WDR75: variants seen among roughly 807,000 people sequenced by gnomAD.
The protein encoded by WDR75 is WD repeat domain 75.
WDR75 carries 52 observed loss-of-function variants against 106.1 expected under a neutral mutation model. The ratio of observed to expected loss-of-function variants is 0.49; its 90% CI spans 0.39 to 0.62. The LOEUF (loss-of-function observed/expected upper bound fraction) is 0.62. WDR75 is among the 20% of genes least tolerant of loss of function. WDR75 has a pLI of 0.00. For missense variants in WDR75, 905 were observed against 970.3 expected, an observed-to-expected ratio of 0.93 and a Z score of 0.89; for synonymous variants, 333 against 335.5, an observed-to-expected ratio of 0.99 and a Z score of 0.08.
At position 189,469,488 on chromosome 2, in the gene WDR75, TTTC is replaced by T. The variant is rs780446213; in HGVS notation, c.1819+55_1819+57del. 1.7e-5 allele frequency: 25 copies of T among 1,480,960 alleles called. No individual in the cohort carries two copies. In the Admixed American group the frequency reaches 3.4e-4, roughly 20 times the overall value. 91.7% of individuals were successfully genotyped at this position (1,480,960 alleles called of 1,614,324 possible). On this transcript the variant is annotated intron_variant, in intron 16 of 20. Transcript: ENST00000314761. ...GTAAGAGAACATCTATGACCTAAGT[TTTC>T]TTCTTAATATAATTTGAGCCAAACT... is the stretch of plus-strand genomic sequence containing the variant.
chr2:189,474,297 C>T lies in WDR75; in HGVS notation c.2161C>T (p.Leu721=), dbSNP rs115615748. 1,701 of 1,613,216 alleles carry T rather than the reference C, an allele frequency of 1.1e-3. 3 individuals carry two copies. Among genetic ancestry groups the T allele is most frequent in the Non-Finnish European group, 1.3e-3 (1,533 of 1,179,634 alleles). Residue 721 remains leucine (L), a synonymous_variant, in exon 19 of 21, where the codon CTA becomes TTA. Transcript: ENST00000314761. The part of the protein sequence containing the change: ...NETLENELVQ[L]PLTENIPAIS... ...AACTTTAGAGAATGAGCTGGTACAA[C>T]TACCCTTAACAGAAAACATACCCGC...
chr2:189,441,886 C>A (rs1346495556), intron 1 of WDR75, among the ~76,000 whole-genome samples: 1 of 152,146 alleles, frequency 6.6e-6, no homozygotes, highest in African/African-American at 2.4e-5. Flanking sequence ...GATGTGTATG[C>A]CACTACCTTT....
intron 1 of WDR75, among the ~76,000 whole-genome samples, chr2:189,443,496 C>T (rs905642880): frequency 3.9e-5 from 6 of 152,010 alleles, no homozygotes; most frequent in African/African-American, 1.5e-4. Flanking sequence ...AAGGGGACGG[C>T]GGTAATCAGT....
chr2:189,474,597 C>A, intron 19 of WDR75, 120 bp from the exon 20 acceptor site: 1 of 950,976 alleles, frequency 1.1e-6, no homozygotes, highest in Non-Finnish European at 1.6e-6. Flanking sequence ...ATAGGGAAAG[C>A]CTTTTCATGT....
chr2:189,449,142 T>C lies in WDR75; in HGVS notation c.216+634T>C, dbSNP rs1048275669. ...GTATTTAAGAATAATGAAATGGTCA[T>C]GTTAATTCTGTTCTTAAGTTTCGGC... On this transcript the variant is annotated intron_variant, in intron 2 of 20. Transcript: ENST00000314761. 2.1e-5 allele frequency: 16 copies of C among 750,542 alleles called. No homozygotes were observed. The South Asian group carries it at 2.2e-4, about 10-fold the overall frequency. The allele number at this position is 750,542 out of a possible 1,614,324, so 46.5% of individuals were successfully genotyped here.
chr2:189,445,510 A>G (rs1031143778), intron 1 of WDR75, among the ~76,000 whole-genome samples: 1 of 152,152 alleles, frequency 6.6e-6, no homozygotes, highest in Non-Finnish European at 1.5e-5. Flanking sequence ...AGTAGTCAAG[A>G]GTTCTGAGAA....
rs897448271 is a variant in WDR75, at chr2:189,462,139, C to CT, written c.779-337dup. Among the ~76,000 whole-genome samples the CT allele has an allele frequency of 9.9e-5, 15 of 151,566 alleles. No individual in the cohort carries two copies. The South Asian group carries it at 1.0e-3, about 10-fold the overall frequency. The stretch of plus-strand genomic sequence containing the variant: ...GAATTTTCATCTGTCGTGAAATCGG[C>CT]TTTTTTTTATATATATATAATATTT... On this transcript the variant is annotated intron_variant, in intron 8 of 20. Transcript: ENST00000314761.
chr2:189,469,019 G>C (rs75447307), intron 15 of WDR75, among the ~76,000 whole-genome samples: 3,653 of 152,230 alleles, frequency 0.024, 159 homozygotes, highest in African/African-American at 0.084. Flanking sequence ...GCTTATAAAT[G>C]AATGTGTATG....
At position 189,462,650 on chromosome 2, in the gene WDR75, T is replaced by C. The variant is rs1387833036; in HGVS notation, c.937+8T>C. On this transcript the variant is annotated splice_region_variant and intron_variant, in intron 9 of 20. Transcript: ENST00000314761. The stretch of plus-strand genomic sequence containing the variant: ...CTTCTCACTCTGATAATAGTAAGTC[T>C]AAATTTTTTATTATGAGGAAATATA... The C allele has an allele frequency of 6.2e-7, 1 of 1,612,178 alleles. No homozygotes were observed. Among genetic ancestry groups the C allele is most frequent in the Non-Finnish European group, 8.5e-7 (1 of 1,178,984 alleles).
Position 189,475,354 on chromosome 2 carries a change from A to G in WDR75, c.2430A>G (p.Lys810=). ...AAGACATTATACATCAGTTGTCAAA[A>G]TCTGAAGAAAAAGAACTGAGAAAAT... ...LGEDIIHQLS[K]SEEKELRKFR... Residue 810 remains lysine (K), a synonymous_variant, in exon 21 of 21, where the codon AAA becomes AAG. Coordinates refer to ENST00000314761, the MANE Select transcript of WDR75 (RefSeq NM_032168.3). The G allele has an allele frequency of 6.2e-7, 1 of 1,612,800 alleles. No individual in the cohort carries two copies. Among genetic ancestry groups the G allele is most frequent in the Non-Finnish European group, 8.5e-7 (1 of 1,179,510 alleles).
intron 1 of WDR75, among the ~76,000 whole-genome samples, chr2:189,444,786 C>G (rs1028661896): frequency 6.6e-6 from 1 of 152,088 alleles, no homozygotes; most frequent in Non-Finnish European, 1.5e-5. Flanking sequence ...CTCTTCCTAC[C>G]CAACTGTTTC....
chr2:189,462,435 T>G, intron 8 of WDR75, 49 bp from the exon 9 acceptor site: 1 of 1,582,296 alleles, frequency 6.3e-7, no homozygotes. Flanking sequence ...TTTCTTTCTC[T>G]TTTTTCCTCA....
chr2:189,449,341 A>G (rs1322242261), intron 2 of WDR75: 1 of 1,298,160 alleles, frequency 7.7e-7, no homozygotes. Context: ...TTTTCTTTCC[A>G]AAATTAAATG....
chr2:189,459,491 AT>A, intron 8 of WDR75, 67 bp downstream of exon 8: 1 of 1,434,984 alleles, frequency 7.0e-7, no homozygotes, highest in Non-Finnish European at 9.7e-7. Context: ...AATTCACTGT[AT>A]TTTTAGTTTG....
intron 19 of WDR75, 53 bp from the exon 20 acceptor site, chr2:189,474,664 T>C: frequency 6.8e-7 from 1 of 1,460,740 alleles, no homozygotes; most frequent in Non-Finnish European, 9.6e-7. Flanking sequence ...AGGAACAGAC[T>C]GCGGTGGAGG....
intron 1 of WDR75, among the ~76,000 whole-genome samples, chr2:189,443,830 A>G (rs1228515040): frequency 6.6e-6 from 1 of 152,210 alleles, no homozygotes; most frequent in Non-Finnish European, 1.5e-5. Flanking sequence ...ATGGCAGGAA[A>G]AGACTCTGGA....
In WDR75 at chr2:189,448,403, C is replaced by T. The variant is rs776324763; in HGVS notation, c.111C>T (p.Asp37=). Residue 37 remains aspartate, a synonymous_variant, in exon 2 of 21, where the codon GAC becomes GAT. Transcript: ENST00000314761. ...DSKYIFCVSG[D]FVKVYSTVTE... is the part of the protein sequence containing the mutation. ...GGTATATCTTCTGTGTCTCTGGAGA[C>T]TTTGTTAAAGTTTACAGCACAGTTA... 1 of 1,613,360 alleles carries T rather than the reference C, an allele frequency of 6.2e-7. No homozygotes were observed. The highest frequency in any genetic ancestry group is 1.1e-5 in the South Asian group (1 of 90,930).
intron 19 of WDR75, among the ~76,000 whole-genome samples, 187 bp from the exon 20 acceptor site, chr2:189,474,530 G>A (rs555508736): frequency 1.3e-5 from 2 of 152,168 alleles, no homozygotes; most frequent in Non-Finnish European, 2.9e-5. Context: ...GATAGGGGTG[G>A]TTGTTGGCAT....
chr2:189,461,414 A>C (rs1418391973), intron 8 of WDR75, among the ~76,000 whole-genome samples: 4 of 152,164 alleles, frequency 2.6e-5, no homozygotes, highest in Admixed American at 6.5e-5. Context: ...TATAGTATTG[A>C]GTATTTTAAT....
Sources: gnomAD v4.1 joint callset for allele counts (sites outside exome capture counted in the v4.1 genomes callset) on GRCh38, gnomAD v4.1.1 for gene constraint, MANE v1.5 for transcripts, NCBI Gene and HGNC (gene_info 2026-07-23, HGNC 2026-07-21) for gene names.